The following PLXDC1 variants were observed in gnomAD, a reference collection of about 807,000 sequenced individuals.
PLXDC1 encodes plexin domain-containing protein 1.
In PLXDC1, 39 loss-of-function variants were observed where a neutral mutation model predicts 61.3. The observed-to-expected ratio is 0.64, with a 90% confidence interval of 0.49 to 0.83. The LOEUF is 0.83. Ranked by LOEUF, PLXDC1 falls within the 40% of genes least tolerant of loss-of-function variation. The probability of loss-of-function intolerance (pLI) is 0.00; values close to 1 mark genes in which losing one functional copy is unlikely to be tolerated. For synonymous variants in PLXDC1, 212 were observed against 254.5 expected (o/e 0.83, Z 1.59); for missense variants, 596 against 666.5 (o/e 0.89, Z 1.17).
intron 2 of PLXDC1, among the ~76,000 whole-genome samples, chr17:39,137,211 A>G (rs535538686): frequency 2.0e-5 from 3 of 152,214 alleles, no homozygotes; most frequent in Non-Finnish European, 4.4e-5. Flanking sequence ...TCTAACAGTG[A>G]ATCAGAAGCC....
In PLXDC1 at chr17:39,064,587, T is replaced by C. The variant is rs1481163888; in HGVS notation, c.*3253A>G. On this transcript the variant is annotated 3_prime_UTR_variant, in exon 14 of 14. Transcript: ENST00000315392. ...TTGCCAAAGAAAGAAGTGAGTTAAGTGTAAGGGAATCTGGTCGGGGGTGGA... is the reference window on the plus strand; with the variant it reads ...TTGCCAAAGAAAGAAGTGAGTTAAGCGTAAGGGAATCTGGTCGGGGGTGGA... The C allele has an allele frequency of 1.3e-5, 2 of 152,140 alleles. No individual in the cohort carries two copies. Among genetic ancestry groups the C allele is most frequent in the East Asian group, 3.9e-4 (2 of 5,192 alleles). 9.4% of individuals were successfully genotyped at this position (152,140 alleles called of 1,614,324 possible). A position where few individuals can be genotyped will look rare whatever the true frequency, so the allele number is the denominator to read the frequency against.
upstream of PLXDC1, chr17:39,152,582 G>A: frequency 1.6e-6 from 2 of 1,251,210 alleles, no homozygotes; most frequent in South Asian, 3.3e-5. Flanking sequence ...GGGCGCTGGA[G>A]AGTGGGAGAC....
chr17:39,121,732 C>A (rs1911165080), intron 2 of PLXDC1, among the ~76,000 whole-genome samples: 1 of 152,190 alleles, frequency 6.6e-6, no homozygotes, highest in Non-Finnish European at 1.5e-5. Flanking sequence ...CACAGTTAAA[C>A]CATATTTCCC....
chr17:39,106,872 G>A (rs1360055308), intron 6 of PLXDC1, among the ~76,000 whole-genome samples: 10 of 151,604 alleles, frequency 6.6e-5, no homozygotes, highest in African/African-American at 1.5e-4. Context: ...GGCTGGTCTC[G>A]AACTCCTGAG....
At chr17:39,144,128 G>C (rs897808440) in intron 1 of PLXDC1, among the ~76,000 whole-genome samples, 2 of 152,158 alleles carry the variant, frequency 1.3e-5, no homozygotes, top group African/African-American at 4.8e-5. Flanking sequence ...TGCAGCCCGG[G>C]GAAGGACAGG....
chr17:39,085,715 C>T (rs569496037), intron 8 of PLXDC1, among the ~76,000 whole-genome samples: 3 of 152,268 alleles, frequency 2.0e-5, no homozygotes, highest in Non-Finnish European at 2.9e-5. Context: ...AAGCCACTCA[C>T]CCCTCTGAAG....
chr17:39,136,102 G>C (rs530486786), intron 2 of PLXDC1, among the ~76,000 whole-genome samples: 20 of 152,246 alleles, frequency 1.3e-4, no homozygotes, highest in Middle Eastern at 3.4e-3. Context: ...GAACTGCCAG[G>C]TGTCTCCTTA....
At chr17:39,122,054 G>A (rs1417147066) in intron 2 of PLXDC1, among the ~76,000 whole-genome samples, 2 of 129,322 alleles carry the variant, frequency 1.5e-5, no homozygotes, top group Admixed American at 8.7e-5. Flanking sequence ...CTGAGATCAC[G>A]CCACTGCATT....
At chr17:39,087,328 A>G (rs1366845137) in intron 8 of PLXDC1, among the ~76,000 whole-genome samples, 1 of 152,152 alleles carries the variant, frequency 6.6e-6, no homozygotes, top group African/African-American at 2.4e-5. Flanking sequence ...GAATAACAAT[A>G]GCTGTCCTAG....
chr17:39,112,875 C>A (rs72823310), intron 2 of PLXDC1: 33,287 of 152,018 alleles, frequency 0.22, 3,731 homozygotes, highest in Middle Eastern at 0.31. Flanking sequence ...CCACCTTAGC[C>A]CAGCCAGCAC....
At chr17:39,109,224 A>T in intron 3 of PLXDC1, 24 bp downstream of exon 3, 2 of 1,596,122 alleles carry the variant, frequency 1.3e-6, no homozygotes, top group Non-Finnish European at 1.7e-6. Flanking sequence ...ACAGGGAAGC[A>T]TGGCTGGCGA....
chr17:39,126,041 G>A (rs1183731096), intron 2 of PLXDC1, among the ~76,000 whole-genome samples: 1 of 152,076 alleles, frequency 6.6e-6, no homozygotes, highest in Non-Finnish European at 1.5e-5. Context: ...ATCATCTGAG[G>A]TCAGGAGTTC....
chr17:39,151,983 G>C (rs1329366777), upstream of PLXDC1, among the ~76,000 whole-genome samples: 1 of 152,058 alleles, frequency 6.6e-6, no homozygotes, highest in South Asian at 2.1e-4. The surrounding 1 kb of genome is among the most constrained non-coding windows in gnomAD (Gnocchi z 5.2). Flanking sequence ...CCTGGGTCAC[G>C]GGCCCCTGAC....
At chr17:39,117,066 G>A (rs541255584) in intron 2 of PLXDC1, among the ~76,000 whole-genome samples, 126 of 152,354 alleles carry the variant, frequency 8.3e-4, no homozygotes, top group Middle Eastern at 6.8e-3. Context: ...CGGGGAATGT[G>A]GCTCAATGAC....
At chr17:39,099,761 C>T (rs1910353743) in intron 7 of PLXDC1, among the ~76,000 whole-genome samples, 1 of 152,120 alleles carries the variant, frequency 6.6e-6, no homozygotes, top group Non-Finnish European at 1.5e-5. Context: ...TACAAACTCA[C>T]AATGTTTGGG....
At chr17:39,126,226 C>T (rs895443208) in intron 2 of PLXDC1, among the ~76,000 whole-genome samples, 7 of 152,070 alleles carry the variant, frequency 4.6e-5, no homozygotes, top group African/African-American at 1.2e-4. Context: ...TGCACTCCAG[C>T]CTGGGTGACA....
intron 12 of PLXDC1, 191 bp downstream of exon 12, chr17:39,072,259 C>T (rs1598182511): frequency 3.3e-6 from 2 of 613,232 alleles, no homozygotes; most frequent in African/African-American, 3.7e-5. Context: ...TAGACATGTT[C>T]CTTCGATCTA....
At chr17:39,122,831 G>A (rs778224212) in intron 2 of PLXDC1, among the ~76,000 whole-genome samples, 3 of 152,194 alleles carry the variant, frequency 2.0e-5, no homozygotes, top group Non-Finnish European at 4.4e-5. Flanking sequence ...AGTGTGATAT[G>A]GATTTCAAAC....
chr17:39,137,969 GTCT>G (rs371459048), intron 2 of PLXDC1, among the ~76,000 whole-genome samples: 5 of 152,202 alleles, frequency 3.3e-5, no homozygotes, highest in African/African-American at 1.2e-4. Flanking sequence ...CGGAGACAGA[GTCT>G]TCTTCTTTTT....
Sources: allele counts gnomAD v4.1 joint callset (sites outside exome capture counted in the v4.1 genomes callset), GRCh38; gene constraint gnomAD v4.1.1; non-coding constraint Gnocchi (gnomAD v3.1); transcripts MANE v1.5; gene names NCBI Gene and HGNC (gene_info 2026-07-23, HGNC 2026-07-21).